Variants in USP9X observed in about 807,000 individuals in gnomAD.
USP9X encodes the protein ubiquitin specific peptidase 9 X-linked, also known as ubiquitin carboxyl-terminal hydrolase 9X.
A neutral mutation model predicts 190.3 loss-of-function variants in USP9X; 7 were observed. The observed-to-expected ratio is 0.04, with a 90% CI of 0.02 to 0.07. The LOEUF is 0.07. USP9X is among the 10% of genes least tolerant of loss of function. The pLI is 1.00. For missense variants in USP9X, 1,010 were observed against 1,916.9 expected (o/e 0.53, Z 8.83); for synonymous variants, 645 against 659.5 (o/e 0.98, Z 0.34).
intron 32 of USP9X, among the ~76,000 whole-genome samples, chrX:41,209,119 G>A (rs2063135262): frequency 9.0e-6 from 1 of 111,561 alleles, no homozygotes; most frequent in Non-Finnish European, 1.9e-5. Context: ...TCCTACTTAT[G>A]TATGATACAG....
chrX:41,160,607 A>T (rs1257161064), intron 14 of USP9X, among the ~76,000 whole-genome samples: 1 of 111,577 alleles, frequency 9.0e-6, no homozygotes, highest in East Asian at 2.8e-4. Context: ...CAAATTACTT[A>T]TTAATTACAA....
chrX:41,130,521 G>A (rs1360125720), intron 3 of USP9X, among the ~76,000 whole-genome samples: 5 of 97,153 alleles, frequency 5.1e-5, no homozygotes, highest in African/African-American at 2.0e-4. Flanking sequence ...ATGGAGTCTC[G>A]CTCTGTCACC....
intron 1 of USP9X, among the ~76,000 whole-genome samples, chrX:41,120,164 G>A (rs762546083): frequency 1.4e-4 from 16 of 111,742 alleles, no homozygotes; most frequent in East Asian, 5.7e-4. Context: ...TTACTAATGA[G>A]GTTGAGAGGC....
At chrX:41,190,444 C>T in intron 26 of USP9X, among the ~76,000 whole-genome samples, 1 of 111,043 alleles carries the variant, frequency 9.0e-6, no homozygotes, top group East Asian at 2.8e-4. Flanking sequence ...TATTCAGAAA[C>T]TCTTAACAGG....
chrX:41,193,088 C>T (rs1394566562), intron 26 of USP9X, among the ~76,000 whole-genome samples: 1 of 110,650 alleles, frequency 9.0e-6, no homozygotes, highest in African/African-American at 3.3e-5. Context: ...AGGAACATGC[C>T]TGACATGTGA....
At chrX:41,110,707 G>A (rs2062102923) in intron 1 of USP9X, among the ~76,000 whole-genome samples, 1 of 111,978 alleles carries the variant, frequency 8.9e-6, no homozygotes, top group Non-Finnish European at 1.9e-5. Context: ...TAAAATTTGA[G>A]GTGTGTCAAC....
At chrX:41,106,909 CAG>C in intron 1 of USP9X, among the ~76,000 whole-genome samples, 1 of 89,696 alleles carries the variant, frequency 1.1e-5, no homozygotes, top group Non-Finnish European at 2.2e-5. Context: ...TTTTTTGAGA[CAG>C]AGTCTTGTTC....
At position 41,197,383 on chromosome X, in the gene USP9X, G is replaced by A; in HGVS notation, c.4253G>A (p.Gly1418Glu). The A allele has an allele frequency of 1.8e-6, 2 of 1,107,938 alleles. No individual in the cohort carries two copies. Among genetic ancestry groups the A allele is most frequent in the Non-Finnish European group, 2.4e-6 (2 of 824,125 alleles). 91.3% of individuals were successfully genotyped at this position (1,107,938 alleles called of 1,213,427 possible). A position where few individuals can be genotyped will look rare whatever the true frequency, so the allele number is the denominator to read the frequency against. Residue 1418 changes from glycine to glutamate, a missense_variant, in exon 29 of 45, where the codon GGA becomes GAA. By Grantham distance (98) the Gly-to-Glu change is moderately conservative (BLOSUM62 -2). Transcript: ENST00000378308. ...KRIRDDVKRT[G>E]ETGIEETILE... ...TGGCAGGATGATGTTAAAAGAACAG[G>A]AGAAACGGGTATTGAAGAGACGATC...
At chrX:41,188,258 T>A (rs964625296) in intron 25 of USP9X, 141 bp downstream of exon 25, 27 of 645,110 alleles carry the variant, frequency 4.2e-5, no homozygotes, top group Non-Finnish European at 6.0e-5. Context: ...ATAGCTATGT[T>A]GAGAATATGG....
chrX:41,144,220 A>ATTT (rs66463654), intron 10 of USP9X, among the ~76,000 whole-genome samples: 4 of 89,686 alleles, frequency 4.5e-5, no homozygotes, highest in Non-Finnish European at 4.3e-5. Context: ...TAATGTTAGA[A>ATTT]TTTTTTTTTT....
intron 5 of USP9X, among the ~76,000 whole-genome samples, chrX:41,135,414 A>C (rs1188925455): frequency 9.0e-6 from 1 of 111,606 alleles, no homozygotes; most frequent in Non-Finnish European, 1.9e-5. Context: ...CCTTAAGTGG[A>C]AAATGTAAAG....
At chrX:41,115,757 A>G (rs2062143494) in intron 1 of USP9X, among the ~76,000 whole-genome samples, 2 of 112,122 alleles carry the variant, frequency 1.8e-5, no homozygotes, top group South Asian at 7.3e-4. Context: ...GTTTTTATTT[A>G]AACACCTTTT....
In USP9X at chrX:41,131,453, T is replaced by C; in HGVS notation, c.243-4T>C. The C allele has an allele frequency of 8.3e-7, 1 of 1,208,094 alleles. No individual in the cohort carries two copies. The highest frequency in any genetic ancestry group is 1.1e-6 in the Non-Finnish European group (1 of 893,353). Reference sequence around the variant, plus strand: ...AGCATGTTTTTGTTTGGTAAAACTTTTAGGCCTCGATGGGTGGTTCCAGTT... The same window carrying C: ...AGCATGTTTTTGTTTGGTAAAACTTCTAGGCCTCGATGGGTGGTTCCAGTT... On this transcript the variant is annotated splice_polypyrimidine_tract_variant and splice_region_variant and intron_variant, in intron 3 of 44. Transcript: ENST00000378308.
At position 41,148,530 on chromosome X, in the gene USP9X, G is replaced by A. The variant is rs1477677120; in HGVS notation, c.1581G>A (p.Leu527=). ...SDDVPVDIMD[L]ALSAHIKILD... ...ATGTGCCTGTAGATATCATGGACCT[G>A]GCTCTCAGTGCCCACATAAAAATAC... Residue 527 remains leucine, a synonymous_variant, in exon 12 of 45, where the codon CTG becomes CTA. Transcript: ENST00000378308. 1 of 1,209,923 alleles carries A rather than the reference G, an allele frequency of 8.3e-7. No individual in the cohort carries two copies.
Position 41,141,056 on chromosome X carries a change from A to G in USP9X, c.861A>G (p.Glu287=). Residue 287 remains glutamate (E), a synonymous_variant, in exon 8 of 45, where the codon GAA becomes GAG. Coordinates refer to ENST00000378308, the MANE Select transcript of USP9X (RefSeq NM_001039591.3). ...TAGAAATGGTTCCACAGTTTTTAGA[A>G]AACTTAACTGATGAAGAACTGAAAA... ...PIIEMVPQFL[E]NLTDEELKKE... 1.7e-6 allele frequency: 2 copies of G among 1,207,717 alleles called. No individual in the cohort carries two copies. Among genetic ancestry groups the G allele is most frequent in the Non-Finnish European group, 2.2e-6 (2 of 893,506 alleles).
At chrX:41,175,237 T>G (rs950701016) in intron 21 of USP9X, among the ~76,000 whole-genome samples, 4 of 111,786 alleles carry the variant, frequency 3.6e-5, no homozygotes, top group African/African-American at 1.3e-4. Context: ...TGTTTAAGAT[T>G]AGGTCAAGTG....
rs41312122 is a variant in USP9X, at chrX:41,223,528, C to T, written c.6751+126C>T. 0.03 allele frequency: 21,701 copies of T among 713,537 alleles called. 263 individuals are homozygous for T. The highest frequency in any genetic ancestry group is 0.035 in the South Asian group (1,347 of 38,548). The allele number at this position is 713,537 out of a possible 1,213,427, so 58.8% of individuals were successfully genotyped here. A position where few individuals can be genotyped will look rare whatever the true frequency, so the allele number is the denominator to read the frequency against. On this transcript the variant is annotated intron_variant, in intron 39 of 44. Transcript: ENST00000378308. ...TCTCGGCTCACTGTAACCTCCGCCT[C>T]CCTGGTTTAAGCCATTCTCCTGCCT...
At chrX:41,125,678 A>ACTCTCTCT (rs1353372304) in intron 2 of USP9X, among the ~76,000 whole-genome samples, 12 of 33,869 alleles carry the variant, frequency 3.5e-4, no homozygotes, top group African/African-American at 6.9e-4. Context: ...ACACACACAC[A>ACTCTCTCT]CACACACTCT....
intron 32 of USP9X, among the ~76,000 whole-genome samples, chrX:41,208,399 G>C (rs921768973): frequency 2.7e-5 from 3 of 111,582 alleles, no homozygotes; most frequent in Non-Finnish European, 5.6e-5. Flanking sequence ...TTGCTTTTTT[G>C]ACTTTTCAGT....
Sources: gnomAD v4.1 joint callset for allele counts (sites outside exome capture counted in the v4.1 genomes callset) on GRCh38, gnomAD v4.1.1 for gene constraint, MANE v1.5 for transcripts, NCBI Gene and HGNC (gene_info 2026-07-23, HGNC 2026-07-21) for gene names.